The following LRP1B variants were observed in gnomAD, a reference collection of about 807,000 sequenced individuals.
LRP1B encodes LDL receptor related protein 1B.
In LRP1B, 217 loss-of-function variants were observed where a neutral mutation model predicts 556.6. The observed-to-expected ratio is 0.39, with a 90% CI of 0.35 to 0.44. LRP1B has a LOEUF of 0.44. Ranked by LOEUF, LRP1B falls within the 20% of genes least tolerant of loss-of-function variation. The pLI is 1.00. For synonymous variants in LRP1B, 2,047 were observed against 1,865.8 expected, an observed-to-expected ratio of 1.10 and a Z score of -2.50; for missense variants, 5,053 against 5,620.8, an observed-to-expected ratio of 0.90 and a Z score of 3.23.
chr2:141,588,722 A>G (rs1323353421), intron 2 of LRP1B, among the ~76,000 whole-genome samples: 2 of 152,136 alleles, frequency 1.3e-5, no homozygotes, highest in Non-Finnish European at 1.5e-5. Flanking sequence ...CCCTCTCTAC[A>G]TTACGGATAT....
chr2:140,575,112 C>T (rs1468965450), intron 43 of LRP1B, among the ~76,000 whole-genome samples: 1 of 152,132 alleles, frequency 6.6e-6, no homozygotes, highest in African/African-American at 2.4e-5. Context: ...CTGAACATTA[C>T]TGTGATCCTG....
chr2:140,424,171 G>A (rs1685563505), intron 66 of LRP1B, among the ~76,000 whole-genome samples: 1 of 151,878 alleles, frequency 6.6e-6, no homozygotes, highest in African/African-American at 2.4e-5. Flanking sequence ...GAGTGGGGAG[G>A]GCTTCCTTAA....
At chr2:141,903,147 C>CTTT (rs34961675) in intron 1 of LRP1B, among the ~76,000 whole-genome samples, 8 of 149,414 alleles carry the variant, frequency 5.4e-5, no homozygotes, top group Non-Finnish European at 8.9e-5. Context: ...ATGTCTAAAT[C>CTTT]TTTTTTTTTT....
chr2:141,179,023 TTCAGGCAAAGCTTAGTGTG>T (rs1353140270), intron 7 of LRP1B, among the ~76,000 whole-genome samples: 1 of 152,120 alleles, frequency 6.6e-6, no homozygotes, highest in African/African-American at 2.4e-5. Flanking sequence ...TCTATTGATA[TTCAGGCAAAGCTTAGTGTG>T]TAGACTGTAT....
At chr2:141,863,138 T>C (rs1271187867) in intron 1 of LRP1B, among the ~76,000 whole-genome samples, 1 of 152,208 alleles carries the variant, frequency 6.6e-6, no homozygotes, top group Admixed American at 6.5e-5. Context: ...AATGGTTATA[T>C]ACTTAGTTTA....
At chr2:140,320,332 T>A (rs1680036869) in intron 82 of LRP1B, among the ~76,000 whole-genome samples, 1 of 152,162 alleles carries the variant, frequency 6.6e-6, no homozygotes. Flanking sequence ...AAAATGAAAG[T>A]ACTACAATAG....
chr2:141,414,246 A>AAAAAAAAAAAAAAAGAAAAG (rs1553511548), intron 3 of LRP1B, among the ~76,000 whole-genome samples: 1 of 147,808 alleles, frequency 6.8e-6, no homozygotes, highest in African/African-American at 2.6e-5. Context: ...TCAAAAAAAA[A>AAAAAAAAAAAAAAAGAAAAG]AAAAAAAGAA....
intron 1 of LRP1B, among the ~76,000 whole-genome samples, chr2:141,944,605 A>C (rs1210757025): frequency 6.6e-6 from 1 of 152,172 alleles, no homozygotes; most frequent in East Asian, 1.9e-4. Context: ...CTGAGTATAA[A>C]ACTGGTATAG....
At chr2:141,166,846 TTTTGA>T (rs1228509823) in intron 7 of LRP1B, among the ~76,000 whole-genome samples, 4 of 143,410 alleles carry the variant, frequency 2.8e-5, no homozygotes, top group Admixed American at 6.8e-5. Context: ...AATTAAACTC[TTTTGA>T]TTTAATAACT....
Position 141,677,020 on chromosome 2 carries a change from T to C in LRP1B, c.205+133259A>G, listed in dbSNP as rs1690909978. On this transcript the variant is annotated intron_variant, in intron 2 of 90. Coordinates refer to ENST00000389484, the MANE Select transcript of LRP1B (RefSeq NM_018557.3). Reference sequence around the variant, plus strand: ...TAATTGCAAAATAACTATAGATTATTATATAATTACAATTGTGATAACTCT... The same window carrying C: ...TAATTGCAAAATAACTATAGATTATCATATAATTACAATTGTGATAACTCT... Among the ~76,000 whole-genome samples the C allele has an allele frequency of 5.3e-5, 8 of 152,152 alleles. No homozygotes were observed. In the South Asian group the frequency reaches 1.7e-3, roughly 31 times the overall value.
At chr2:140,872,386 T>TTTTTTTTTTTC (rs1693167279) in intron 25 of LRP1B, among the ~76,000 whole-genome samples, 1 of 122,908 alleles carries the variant, frequency 8.1e-6, no homozygotes. Context: ...TTTTTTTTTT[T>TTTTTTTTTTTC]TTACTAAAGT....
At chr2:140,460,305 C>T (rs1687264610) in intron 60 of LRP1B, among the ~76,000 whole-genome samples, 1 of 152,080 alleles carries the variant, frequency 6.6e-6, no homozygotes, top group African/African-American at 2.4e-5. Context: ...AACTTATTTT[C>T]TTTGTAAATT....
intron 41 of LRP1B, among the ~76,000 whole-genome samples, chr2:140,630,096 G>A (rs542925127): frequency 2.0e-5 from 3 of 152,186 alleles, no homozygotes; most frequent in African/African-American, 4.8e-5. Flanking sequence ...TAGCGTGGTT[G>A]ATGGCCCTGC....
chr2:141,709,693 T>C (rs1340271430), intron 2 of LRP1B, among the ~76,000 whole-genome samples: 1 of 152,170 alleles, frequency 6.6e-6, no homozygotes. Context: ...AAGCCATCAC[T>C]ATACGTGGTG....
chr2:140,306,489 C>T (rs192333129), intron 83 of LRP1B, among the ~76,000 whole-genome samples: 69 of 152,006 alleles, frequency 4.5e-4, no homozygotes, highest in African/African-American at 1.5e-3. Context: ...TCTGTGGGAT[C>T]GGTGGTGATA....
intron 2 of LRP1B, among the ~76,000 whole-genome samples, chr2:141,635,689 A>T (rs889526779): frequency 1.3e-5 from 2 of 152,248 alleles, no homozygotes; most frequent in African/African-American, 4.8e-5. Flanking sequence ...CATTTAGGAC[A>T]TAACTTCAAG....
At chr2:141,639,349 T>TATACAC (rs1262198983) in intron 2 of LRP1B, among the ~76,000 whole-genome samples, 108 of 56,042 alleles carry the variant, frequency 1.9e-3, no homozygotes, top group African/African-American at 6.5e-3. Flanking sequence ...TATATATATA[T>TATACAC]ACACACACAC....
At chr2:140,485,318 A>G in intron 59 of LRP1B, 25 bp downstream of exon 59, 1 of 1,582,792 alleles carries the variant, frequency 6.3e-7, no homozygotes. Context: ...CTTAAACTTT[A>G]AGATTTTTAA....
chr2:141,771,074 A>T (rs1045528651), intron 2 of LRP1B, among the ~76,000 whole-genome samples: 1 of 152,122 alleles, frequency 6.6e-6, no homozygotes, highest in African/African-American at 2.4e-5. Context: ...CCCTCAAAAG[A>T]CCATATATAG....
Sources: gnomAD v4.1 joint callset for allele counts (sites outside exome capture counted in the v4.1 genomes callset) on GRCh38, gnomAD v4.1.1 for gene constraint, MANE v1.5 for transcripts, NCBI Gene and HGNC (gene_info 2026-07-23, HGNC 2026-07-21) for gene names.